The following CETP variants were observed in gnomAD, a reference collection of about 807,000 sequenced individuals.
CETP encodes the protein cholesteryl ester transfer protein, also known as BPI fold containing family F.
CETP carries 56 observed loss-of-function variants against 66.5 expected under a neutral mutation model. That is an observed-to-expected ratio of 0.84 (90% CI 0.68 to 1.05). The LOEUF is 1.05. CETP is among the 50% of genes least tolerant of loss of function. The probability of loss-of-function intolerance (pLI) is 0.00; values close to 1 mark genes in which losing one functional copy is unlikely to be tolerated. For synonymous variants in CETP, 251 were observed against 245.7 expected (o/e 1.02, Z -0.20); for missense variants, 612 against 609.6 (o/e 1.00, Z -0.04).
chr16:56,974,018 G>A (rs2056132515), intron 9 of CETP, among the ~76,000 whole-genome samples: 1 of 152,218 alleles, frequency 6.6e-6, no homozygotes, highest in South Asian at 2.1e-4. Flanking sequence ...AACTGGTTAG[G>A]TCAGGGGTCC....
At chr16:56,974,434 G>A (rs1259370921) in intron 9 of CETP, among the ~76,000 whole-genome samples, 1 of 152,184 alleles carries the variant, frequency 6.6e-6, no homozygotes, top group Admixed American at 6.5e-5. Context: ...GGGTGACAGA[G>A]TAGGACTCCA....
At chr16:56,978,384 C>G in intron 11 of CETP, 129 bp downstream of exon 11, 1 of 1,078,664 alleles carries the variant, frequency 9.3e-7, no homozygotes, top group South Asian at 1.3e-5. Flanking sequence ...CTGGTTGTCT[C>G]TTGCACATGG....
chr16:56,975,194 C>A, intron 10 of CETP, 43 bp downstream of exon 10: 1 of 1,580,370 alleles, frequency 6.3e-7, no homozygotes, highest in Non-Finnish European at 8.7e-7. Context: ...CTCACGTACC[C>A]CAATCCTGCT....
intron 8 of CETP, among the ~76,000 whole-genome samples, chr16:56,972,512 C>T (rs983681244): frequency 2.0e-5 from 3 of 152,182 alleles, no homozygotes; most frequent in Admixed American, 6.5e-5. Flanking sequence ...CCCTCTGTTG[C>T]GTTCTGAGCA....
chr16:56,971,926 A>C, intron 7 of CETP, 66 bp from the exon 8 acceptor site: 1 of 1,361,504 alleles, frequency 7.3e-7, no homozygotes. Context: ...GTGTGGATGC[A>C]GGGGAGCGGT....
At chr16:56,981,755 C>G in intron 13 of CETP, 75 bp downstream of exon 13, 1 of 1,495,650 alleles carries the variant, frequency 6.7e-7, no homozygotes, top group East Asian at 2.3e-5. Context: ...GGCGGAGGGC[C>G]CTAAAGGAAA....
At position 56,978,132 on chromosome 16, in the gene CETP, C is replaced by T. The variant is rs768028203; in HGVS notation, c.1023C>T (p.His341=). 6.2e-7 allele frequency: 1 copy of T among 1,614,274 alleles called. No individual in the cohort carries two copies. Among genetic ancestry groups the T allele is most frequent in the East Asian group, 2.2e-5 (1 of 44,892 alleles). Residue 341 remains histidine, a synonymous_variant, in exon 11 of 16, where the codon CAC becomes CAT. Coordinates refer to ENST00000200676, the MANE Select transcript of CETP (RefSeq NM_000078.3). Reference sequence around the variant, plus strand: ...CCAGCCAGGCCCAAGTCACCGTCCACTGCCTCAAGATGCCCAAGATCTCCT... The same window carrying T: ...CCAGCCAGGCCCAAGTCACCGTCCATTGCCTCAAGATGCCCAAGATCTCCT... ...GFPSQAQVTV[H]CLKMPKISCQ...
At chr16:56,966,234 T>C (rs543070403) in intron 2 of CETP, among the ~76,000 whole-genome samples, 94 of 152,328 alleles carry the variant, frequency 6.2e-4, no homozygotes, top group Middle Eastern at 3.4e-3. Context: ...ATTCCCTCGC[T>C]TTCTGCAGCT....
intron 2 of CETP, among the ~76,000 whole-genome samples, chr16:56,963,960 C>T (rs1219995314): frequency 1.3e-5 from 2 of 151,516 alleles, no homozygotes; most frequent in African/African-American, 2.4e-5. Context: ...TGAGCCACCA[C>T]GCCTGGCCCT....
intron 12 of CETP, 63 bp downstream of exon 12, chr16:56,981,288 G>A: frequency 7.6e-7 from 1 of 1,319,518 alleles, no homozygotes; most frequent in Admixed American, 1.7e-5. Context: ...GCCCCTTGGA[G>A]TCAGGCACAG....
intron 9 of CETP, among the ~76,000 whole-genome samples, 185 bp from the exon 10 acceptor site, chr16:56,974,916 T>A (rs1000004206): frequency 6.6e-6 from 1 of 152,174 alleles, no homozygotes; most frequent in African/African-American, 2.4e-5. Flanking sequence ...AAGCCAGGCC[T>A]CCAGCCGGGA....
At chr16:56,970,575 G>A (rs2056102395) in intron 5 of CETP, among the ~76,000 whole-genome samples, 1 of 152,126 alleles carries the variant, frequency 6.6e-6, no homozygotes, top group African/African-American at 2.4e-5. Context: ...TTTTGTCTTG[G>A]CCAACACCCT....
At chr16:56,969,760 C>A (rs1298824165) in intron 4 of CETP, 79 bp downstream of exon 4, 2 of 1,580,512 alleles carry the variant, frequency 1.3e-6, no homozygotes, top group Non-Finnish European at 1.7e-6. Context: ...GTTGTGCAGG[C>A]AGAGGGTTCT....
chr16:56,962,213 G>A, intron 1 of CETP, 116 bp downstream of exon 1: 2 of 877,820 alleles, frequency 2.3e-6, no homozygotes, highest in African/African-American at 1.6e-5. Flanking sequence ...CTAGCCCAGA[G>A]AGAGGAGTGC....
At chr16:56,973,296 A>C (rs763347312) in intron 8 of CETP, 35 bp from the exon 9 acceptor site, 2 of 1,611,994 alleles carry the variant, frequency 1.2e-6, no homozygotes, top group South Asian at 2.2e-5. Flanking sequence ...CAGTAGGGAC[A>C]CACAGGGTCC....
rs550387353 is a variant in CETP at position 56,977,997 on chromosome 16, C to T, written c.982-94C>T. 1.0e-4 allele frequency: 157 copies of T among 1,511,532 alleles called. No individual in the cohort carries two copies. In the African/African-American group the frequency reaches 1.8e-3, roughly 17 times the overall value. The allele number at this position is 1,511,532 out of a possible 1,614,324, so 93.6% of individuals were successfully genotyped here. A position where few individuals can be genotyped will look rare whatever the true frequency, so the allele number is the denominator to read the frequency against. ...CTTCCTTTTCCCCAGCCCTGGGGCCCGGAGCCAGCTTTGTCCTTCCCATCT... is the reference window on the plus strand; with the variant it reads ...CTTCCTTTTCCCCAGCCCTGGGGCCTGGAGCCAGCTTTGTCCTTCCCATCT... On this transcript the variant is annotated intron_variant, in intron 10 of 15. Transcript: ENST00000200676.
Position 56,973,372 on chromosome 16 carries a change from C to T in CETP, c.792C>T (p.Leu264=), listed in dbSNP as rs749711042. 3.1e-6 allele frequency: 5 copies of T among 1,614,158 alleles called. No individual in the cohort carries two copies. Among genetic ancestry groups the T allele is most frequent in the East Asian group, 4.5e-5 (2 of 44,876 alleles). The change falls in exon 9 of 16, where the codon CTC becomes CTT. Residue 264 remains leucine (L), a synonymous_variant. Coordinates refer to ENST00000200676, the MANE Select transcript of CETP (RefSeq NM_000078.3). ...AGAATGTCTCAGAGGACCTCCCCCTCCCCACCTTCTCGCCCACACTGCTGG... is the reference window on the plus strand; with the variant it reads ...AGAATGTCTCAGAGGACCTCCCCCTTCCCACCTTCTCGCCCACACTGCTGG... ...IYKNVSEDLP[L]PTFSPTLLGD...
chr16:56,974,141 T>C (rs1282267236), intron 9 of CETP, among the ~76,000 whole-genome samples: 1 of 152,176 alleles, frequency 6.6e-6, no homozygotes, highest in African/African-American at 2.4e-5. Context: ...GTTTCGCTTC[T>C]CTTTCTTTTT....
Position 56,975,122 on chromosome 16 carries a change from TTCAACACCAA to T in CETP, c.953_962del (p.Phe318SerfsTer41), listed in dbSNP as rs779824367. 80 of 1,613,964 alleles carry T rather than the reference TTCAACACCAA, an allele frequency of 5.0e-5. No homozygotes were observed. Among genetic ancestry groups the T allele is most frequent in the Non-Finnish European group, 6.5e-5 (77 of 1,179,988 alleles). On this transcript the variant is annotated frameshift_variant, in exon 10 of 16. Coordinates refer to ENST00000200676, the MANE Select transcript of CETP (RefSeq NM_000078.3). LOFTEE classifies it high-confidence loss of function. ...TCAGGCAGTGCTGGAGACCTGGGGC[TTCAACACCAA>T]CCAGGAAATCTTCCAAGAGGTAACT...
Sources: gnomAD v4.1 joint callset for allele counts (sites outside exome capture counted in the v4.1 genomes callset) on GRCh38, gnomAD v4.1.1 for gene constraint, MANE v1.5 for transcripts, NCBI Gene and HGNC (gene_info 2026-07-23, HGNC 2026-07-21) for gene names.